Variants in FKTN observed in about 807,000 individuals in gnomAD.
FKTN encodes fukutin, also known as ribitol-5-phosphate transferase FKTN.
A neutral mutation model predicts 58.6 loss-of-function variants in FKTN; 47 were observed. The ratio of observed to expected loss-of-function variants is 0.80; its 90% CI spans 0.63 to 1.02. The LOEUF is 1.02. FKTN is among the 50% of genes least tolerant of loss of function. FKTN has a pLI of 0.00. For synonymous variants in FKTN, 178 were observed against 191.9 expected, an observed-to-expected ratio of 0.93 and a Z score of 0.60; for missense variants, 516 against 537.3, an observed-to-expected ratio of 0.96 and a Z score of 0.39.
intron 1 of FKTN, among the ~76,000 whole-genome samples, chr9:105,567,759 A>G (rs1009302511): frequency 3.3e-5 from 5 of 152,234 alleles, no homozygotes; most frequent in Non-Finnish European, 7.3e-5. Flanking sequence ...TCAAGCTACC[A>G]ATGACTTTCT....
intron 1 of FKTN, among the ~76,000 whole-genome samples, chr9:105,560,721 A>G (rs1838141835): frequency 1.3e-5 from 2 of 152,196 alleles, no homozygotes; most frequent in Non-Finnish European, 2.9e-5. Flanking sequence ...TTGCTGTATG[A>G]TTTTATTAAG....
At chr9:105,618,942 C>T (rs1831333144) in intron 9 of FKTN, among the ~76,000 whole-genome samples, 2 of 151,958 alleles carry the variant, frequency 1.3e-5, no homozygotes, top group Admixed American at 1.3e-4. Flanking sequence ...GCCTGTAGTC[C>T]CAGCTACTGG....
intron 7 of FKTN, among the ~76,000 whole-genome samples, chr9:105,613,431 A>G (rs1264829183): frequency 6.6e-6 from 1 of 152,234 alleles, no homozygotes; most frequent in Non-Finnish European, 1.5e-5. Context: ...AAGGTAGGGT[A>G]CTTTTTGCTT....
At chr9:105,603,148 C>T (rs1001634943) in intron 5 of FKTN, among the ~76,000 whole-genome samples, 2 of 152,134 alleles carry the variant, frequency 1.3e-5, no homozygotes, top group Non-Finnish European at 2.9e-5. Context: ...CCTATTTTGT[C>T]TGTCAGTCTT....
chr9:105,636,771 A>G lies in FKTN; in HGVS notation c.*1507A>G. On this transcript the variant is annotated 3_prime_UTR_variant, in exon 11 of 11. Coordinates refer to ENST00000357998, the MANE Select transcript of FKTN (RefSeq NM_001079802.2). ...GACACCAGAGAACAATAGTAGTCTCAAGAATGGAAACCTGAATGTCTGAGG... is the reference window on the plus strand; with the variant it reads ...GACACCAGAGAACAATAGTAGTCTCGAGAATGGAAACCTGAATGTCTGAGG... The G allele has an allele frequency of 7.8e-7, 1 of 1,282,756 alleles. No homozygotes were observed. The highest frequency in any genetic ancestry group is 1.0e-6 in the Non-Finnish European group (1 of 974,078). The allele number at this position is 1,282,756 out of a possible 1,614,324, so 79.5% of individuals were successfully genotyped here.
At chr9:105,565,727 T>A (rs1211394256) in intron 1 of FKTN, among the ~76,000 whole-genome samples, 6 of 152,112 alleles carry the variant, frequency 3.9e-5, no homozygotes, top group Non-Finnish European at 5.9e-5. Flanking sequence ...ACTGTCAACA[T>A]TAGACAGATC....
At position 105,632,127 on chromosome 9, in the gene FKTN, A is replaced by G. The variant is rs1051840728; in HGVS notation, c.1173-2924A>G. Among the ~76,000 whole-genome samples the G allele has an allele frequency of 6.4e-4, 98 of 152,142 alleles. 1 individual carries two copies. Among genetic ancestry groups the G allele is most frequent in the African/African-American group, 2.3e-3 (97 of 41,486 alleles). On this transcript the variant is annotated intron_variant, in intron 10 of 10. Transcript: ENST00000357998. ...GTTCATGTCCTTTGTAGGGACATGG[A>G]TGAAACTGGAAATCATCATTCTCAG... is the stretch of plus-strand genomic sequence containing the variant.
intron 3 of FKTN, among the ~76,000 whole-genome samples, chr9:105,585,748 C>G (rs1206591772): frequency 6.6e-6 from 1 of 152,114 alleles, no homozygotes; most frequent in East Asian, 1.9e-4. Flanking sequence ...GTGGGATATG[C>G]TTAGATAAAT....
At position 105,574,930 on chromosome 9, in the gene FKTN, C is replaced by CTTTT; in HGVS notation, c.-88-12_-88-9dup. 1 of 737,110 alleles carries CTTTT rather than the reference C, an allele frequency of 1.4e-6. No homozygotes were observed. The highest frequency in any genetic ancestry group is 2.5e-6 in the Non-Finnish European group (1 of 402,240). 45.7% of individuals were successfully genotyped at this position (737,110 alleles called of 1,614,324 possible). On this transcript the variant is annotated splice_polypyrimidine_tract_variant and intron_variant, in intron 2 of 10. Transcript: ENST00000357998. ...GAGGTTTTTGTTTCTTTAAAAATAT[C>CTTTT]TTTTTTGTTCACAGAAAACAAAATT...
chr9:105,615,164 G>T (rs565907210), intron 7 of FKTN, 114 bp from the exon 8 acceptor site: 37 of 1,141,290 alleles, frequency 3.2e-5, no homozygotes, highest in Non-Finnish European at 4.7e-5. Context: ...GGTTACAGGC[G>T]TGAGCCACTG....
At chr9:105,632,650 T>C (rs1039180496) in intron 10 of FKTN, among the ~76,000 whole-genome samples, 2 of 152,102 alleles carry the variant, frequency 1.3e-5, no homozygotes, top group Admixed American at 6.5e-5. Context: ...AGTAGTTGTA[T>C]AGATTTTAAG....
chr9:105,620,443 T>C (rs1831665257), intron 10 of FKTN, among the ~76,000 whole-genome samples: 1 of 152,206 alleles, frequency 6.6e-6, no homozygotes, highest in Non-Finnish European at 1.5e-5. Context: ...ATCCATTACA[T>C]TGAGTAATAC....
At chr9:105,561,691 G>A (rs533234578) in intron 1 of FKTN, among the ~76,000 whole-genome samples, 6 of 152,322 alleles carry the variant, frequency 3.9e-5, no homozygotes, top group Non-Finnish European at 5.9e-5. Context: ...AACAGCATGT[G>A]TAGGTAGAAG....
rs562265118 is a variant in FKTN, at chr9:105,639,084, A to G, written c.*3820A>G. ...GTTTTTTAAATCCTAAATGTTATAA[A>G]TCCTTAGGAGAAATATTCCCTCAAA... On this transcript the variant is annotated 3_prime_UTR_variant, in exon 11 of 11. Transcript: ENST00000357998. 1 of 985,210 alleles carries G rather than the reference A, an allele frequency of 1.0e-6. No individual in the cohort carries two copies. The highest frequency in any genetic ancestry group is 6.1e-5 in the Admixed American group (1 of 16,280). 61.0% of individuals were successfully genotyped at this position (985,210 alleles called of 1,614,324 possible). A position where few individuals can be genotyped will look rare whatever the true frequency, so the allele number is the denominator to read the frequency against.
At position 105,577,751 on chromosome 9, in the gene FKTN, A is replaced by C. The variant is rs1195244771; in HGVS notation, c.105+2614A>C. Among the ~76,000 whole-genome samples the C allele has an allele frequency of 4.6e-5, 7 of 151,078 alleles. 1 individual carries two copies. The highest frequency in any genetic ancestry group is 1.7e-4 in the African/African-American group (7 of 40,664). Reference sequence around the variant, plus strand: ...GGGGATGGCATTGAATCTGTAAATTACCTTGGGCAGTATGGCCATTTTCAC... The same window carrying C: ...GGGGATGGCATTGAATCTGTAAATTCCCTTGGGCAGTATGGCCATTTTCAC... On this transcript the variant is annotated intron_variant, in intron 3 of 10. Coordinates refer to ENST00000357998, the MANE Select transcript of FKTN (RefSeq NM_001079802.2).
At chr9:105,591,074 G>T (rs995398097) in intron 3 of FKTN, among the ~76,000 whole-genome samples, 5 of 152,042 alleles carry the variant, frequency 3.3e-5, no homozygotes, top group African/African-American at 1.2e-4. Context: ...ATGACAAACT[G>T]TCCCCACAAT....
intron 1 of FKTN, among the ~76,000 whole-genome samples, chr9:105,570,455 T>C (rs1459717323): frequency 2.6e-5 from 4 of 152,166 alleles, no homozygotes; most frequent in Non-Finnish European, 5.9e-5. Context: ...TGCCTCTATA[T>C]TTATCTCTGA....
At chr9:105,592,956 T>A (rs1424383420) in intron 3 of FKTN, among the ~76,000 whole-genome samples, 1 of 152,232 alleles carries the variant, frequency 6.6e-6, no homozygotes, top group Non-Finnish European at 1.5e-5. Flanking sequence ...TATTACCCAG[T>A]TCCAAAGTTA....
chr9:105,639,844 C>T lies in FKTN; in HGVS notation c.*4580C>T. ...TAGTTTGCTGGTCCCAAGCAGTTTA[C>T]TGTACTTCACTAGATTTGGTACCTG... On this transcript the variant is annotated 3_prime_UTR_variant, in exon 11 of 11. Coordinates refer to ENST00000357998, the MANE Select transcript of FKTN (RefSeq NM_001079802.2). 1 of 1,321,012 alleles carries T rather than the reference C, an allele frequency of 7.6e-7. No individual in the cohort carries two copies. The highest frequency in any genetic ancestry group is 2.1e-5 in the South Asian group (1 of 48,680). The allele number at this position is 1,321,012 out of a possible 1,614,324, so 81.8% of individuals were successfully genotyped here. A position where few individuals can be genotyped will look rare whatever the true frequency, so the allele number is the denominator to read the frequency against.
Sources: gnomAD v4.1 joint callset for allele counts (sites outside exome capture counted in the v4.1 genomes callset) on GRCh38, gnomAD v4.1.1 for gene constraint, MANE v1.5 for transcripts, NCBI Gene and HGNC (gene_info 2026-07-23, HGNC 2026-07-21) for gene names.